DPP6: variants seen among roughly 807,000 people sequenced by gnomAD.
DPP6 encodes dipeptidyl peptidase like 6.
A neutral mutation model predicts 122.6 loss-of-function variants in DPP6; 69 were observed. The ratio of observed to expected loss-of-function variants is 0.56; its 90% confidence interval spans 0.46 to 0.69. DPP6 has a LOEUF of 0.69. Ranked by LOEUF, DPP6 falls within the 30% of genes least tolerant of loss-of-function variation. The pLI, the probability that DPP6 is intolerant of heterozygous loss-of-function variation, is 0.00. For missense variants in DPP6, 928 were observed against 1,116.9 expected (o/e 0.83, Z 2.41); for synonymous variants, 418 against 433.1 (o/e 0.97, Z 0.43).
chr7:153,877,045 A>G, the DPP6 span, among the ~76,000 whole-genome samples: 19 of 152,076 alleles, frequency 1.2e-4, no homozygotes, highest in Admixed American at 1.2e-3. Flanking sequence ...GGTCTAGGAC[A>G]TTACTGTACA....
intron 3 of DPP6, among the ~76,000 whole-genome samples, chr7:154,500,692 T>TA (rs1379565030): frequency 6.6e-6 from 1 of 152,224 alleles, no homozygotes; most frequent in Non-Finnish European, 1.5e-5. Context: ...GTAAGTCCAA[T>TA]AAACCTCTTT....
At chr7:153,964,960 C>CTT (rs2129030221) in intron 1 of DPP6, among the ~76,000 whole-genome samples, 25 of 109,080 alleles carry the variant, frequency 2.3e-4, no homozygotes, top group African/African-American at 9.4e-4. Context: ...TTCTCTCTTT[C>CTT]TTTCTTTCAT....
At position 154,267,924 on chromosome 7, in the gene DPP6, TTATG is replaced by T. The variant is rs113500673; in HGVS notation, c.244-178288_244-178285del. The stretch of plus-strand genomic sequence containing the variant: ...CACACGTATATGCACACATACATAT[TTATG>T]TGTGTGTATATATTTATCCCTTATA... On this transcript the variant is annotated intron_variant, in intron 1 of 25. Coordinates refer to ENST00000377770, the MANE Select transcript of DPP6 (RefSeq NM_130797.4). Among the ~76,000 whole-genome samples the T allele has an allele frequency of 1.2e-3, 163 of 136,258 alleles. 2 individuals carry two copies. The highest frequency in any genetic ancestry group is 4.4e-3 in the African/African-American group (157 of 36,082). The allele number at this position is 136,258 out of a possible 152,430, so 89.4% of individuals were successfully genotyped here.
chr7:154,389,062 A>T (rs527723762), intron 1 of DPP6, among the ~76,000 whole-genome samples: 43 of 152,246 alleles, frequency 2.8e-4, no homozygotes, highest in Non-Finnish European at 5.1e-4. Flanking sequence ...GTTCACCTTG[A>T]TGGATTACCG....
At chr7:153,941,454 C>T (rs1461447117) in intron 1 of DPP6, among the ~76,000 whole-genome samples, 1 of 152,150 alleles carries the variant, frequency 6.6e-6, no homozygotes, top group Non-Finnish European at 1.5e-5. Context: ...TGGTGGTTAA[C>T]AATTCATCCC....
At chr7:154,501,678 A>G (rs1825261632) in intron 3 of DPP6, among the ~76,000 whole-genome samples, 2 of 152,238 alleles carry the variant, frequency 1.3e-5, no homozygotes, top group Non-Finnish European at 2.9e-5. Context: ...CTGGATGCCC[A>G]GGCAGAAGTT....
At chr7:154,601,650 T>C (rs930199766) in intron 5 of DPP6, among the ~76,000 whole-genome samples, 1 of 119,494 alleles carries the variant, frequency 8.4e-6, no homozygotes, top group African/African-American at 2.7e-5. Flanking sequence ...TAGGTCTTGC[T>C]TTTTTTTTCT....
chr7:154,820,710 G>A (rs1488976245), intron 16 of DPP6, among the ~76,000 whole-genome samples: 2 of 152,196 alleles, frequency 1.3e-5, no homozygotes, highest in Non-Finnish European at 2.9e-5. Context: ...TCCAACGAAT[G>A]TAATCTCTTG....
intron 1 of DPP6, among the ~76,000 whole-genome samples, chr7:153,986,092 T>C (rs2129040058): frequency 6.6e-6 from 1 of 152,336 alleles, no homozygotes; most frequent in East Asian, 1.9e-4. Flanking sequence ...AAAAATGTTT[T>C]TGTTTCCACT....
intron 6 of DPP6, among the ~76,000 whole-genome samples, chr7:154,648,801 C>T (rs2130980881): frequency 6.6e-6 from 1 of 151,982 alleles, no homozygotes; most frequent in Non-Finnish European, 1.5e-5. Flanking sequence ...CACCTATAGT[C>T]CCGGCCACTA....
At chr7:154,148,526 G>A (rs1236258052) in intron 1 of DPP6, among the ~76,000 whole-genome samples, 2 of 150,648 alleles carry the variant, frequency 1.3e-5, no homozygotes, top group Admixed American at 1.3e-4. Context: ...CAGGCACAGA[G>A]GTCACAAGGA....
intron 7 of DPP6, among the ~76,000 whole-genome samples, chr7:154,726,460 A>G (rs1842070383): frequency 6.6e-6 from 1 of 152,174 alleles, no homozygotes; most frequent in Non-Finnish European, 1.5e-5. Context: ...CTCTGAAGCA[A>G]CAGCCTGAGC....
chr7:153,928,395 C>CTTTTTTTTTTTT (rs1467865041), intron 1 of DPP6, among the ~76,000 whole-genome samples: 27 of 29,980 alleles, frequency 9.0e-4, no homozygotes, highest in African/African-American at 2.4e-3. Context: ...TCTTTTCTTT[C>CTTTTTTTTTTTT]ATTTTTTTTT....
chr7:153,936,684 G>A (rs979465880), intron 1 of DPP6, among the ~76,000 whole-genome samples: 4 of 151,944 alleles, frequency 2.6e-5, no homozygotes, highest in Admixed American at 1.3e-4. Flanking sequence ...GGTGGTGGGC[G>A]CCTGTGGTCC....
chr7:154,082,994 G>A (rs1348615231), intron 1 of DPP6, among the ~76,000 whole-genome samples: 5 of 151,716 alleles, frequency 3.3e-5, no homozygotes, highest in Non-Finnish European at 4.4e-5. Context: ...GACTGCAGGC[G>A]CCCGCCACCA....
At chr7:154,231,891 G>T (rs973279291) in intron 1 of DPP6, among the ~76,000 whole-genome samples, 3 of 152,170 alleles carry the variant, frequency 2.0e-5, no homozygotes, top group Non-Finnish European at 4.4e-5. Flanking sequence ...GAGGTCAACC[G>T]GCTTCCTTGG....
chr7:154,804,954 C>T lies in DPP6; in HGVS notation c.1537C>T (p.Gln513Ter). 1 of 1,599,894 alleles carries T rather than the reference C, an allele frequency of 6.3e-7. No individual in the cohort carries two copies. ...CACGGAGGACCTGCCTCGGAGACGA[C>T]AACTCTACAGGTAACTCCTGCTCCC... ...LSTEDLPRRR[Q>*]LYSANTVGNF... The change falls in exon 15 of 26, where the codon CAA (glutamine) becomes TAA (stop). Residue 513 changes from glutamine to a stop codon, truncating the protein, a stop_gained. Transcript: ENST00000377770. LOFTEE classifies it high-confidence loss of function.
At position 154,863,970 on chromosome 7, in the gene DPP6, C is replaced by T. The variant is rs1050792331; in HGVS notation, c.1715-4025C>T. On this transcript the variant is annotated intron_variant, in intron 17 of 25. Transcript: ENST00000377770. This position sits in a 1 kb window ranked among gnomAD's most constrained non-coding sequence, Gnocchi z 4.1. ...CAGCTGCAAGAGCACAGGGAGGGGG[C>T]GAGGTGGGGCAGAGAGGGGTCCTAC... 2.6e-5 allele frequency among the ~76,000 whole-genome samples: 4 copies of T among 151,894 alleles called. No individual in the cohort carries two copies. Among genetic ancestry groups the T allele is most frequent in the South Asian group, 2.1e-4 (1 of 4,792 alleles).
intron 1 of DPP6, among the ~76,000 whole-genome samples, chr7:154,390,062 A>G (rs10808010): frequency 0.56 from 84,756 of 151,984 alleles, 27,114 homozygotes; most frequent in Non-Finnish European, 0.7. Context: ...GTACAATGGT[A>G]TGAGTGTGGA....
Sources: gnomAD v4.1 joint callset for allele counts (sites outside exome capture counted in the v4.1 genomes callset) on GRCh38, gnomAD v4.1.1 for gene constraint, Gnocchi (gnomAD v3.1) non-coding constraint, MANE v1.5 for transcripts, NCBI Gene and HGNC (gene_info 2026-07-23, HGNC 2026-07-21) for gene names.